Variants in PTPRN2 observed in about 807,000 individuals in gnomAD.
The protein encoded by PTPRN2 is protein tyrosine phosphatase receptor type N2.
In PTPRN2, 74 loss-of-function variants were observed where a neutral mutation model predicts 118.8. The observed-to-expected ratio is 0.62, with a 90% CI of 0.52 to 0.76. PTPRN2 has a LOEUF of 0.76. Ranked by LOEUF, PTPRN2 falls within the 30% of genes least tolerant of loss-of-function variation. PTPRN2 has a pLI of 0.00. For synonymous variants in PTPRN2, 641 were observed against 608.0 expected (o/e 1.05, Z -0.80); for missense variants, 1,481 against 1,394.4 (o/e 1.06, Z -0.99).
intron 11 of PTPRN2, among the ~76,000 whole-genome samples, chr7:157,933,594 C>G (rs1427309534): frequency 6.7e-6 from 1 of 149,412 alleles, no homozygotes; most frequent in Non-Finnish European, 1.5e-5. Flanking sequence ...GTGAGTCACT[C>G]TGATTGACAG....
intron 15 of PTPRN2, among the ~76,000 whole-genome samples, chr7:157,612,265 G>C (rs1802399833): frequency 6.6e-6 from 1 of 152,196 alleles, no homozygotes; most frequent in African/African-American, 2.4e-5. Context: ...TTTCTCGCAG[G>C]AACTAGAACA....
intron 2 of PTPRN2, among the ~76,000 whole-genome samples, chr7:158,445,106 C>A (rs960288075): frequency 3.9e-5 from 6 of 152,176 alleles, no homozygotes; most frequent in Admixed American, 3.9e-4. Context: ...CCTCGCTGGG[C>A]AAGAGCCTCC....
At chr7:157,854,913 T>C (rs554590318) in intron 12 of PTPRN2, 116 of 170,980 alleles carry the variant, frequency 6.8e-4, no homozygotes, top group Non-Finnish European at 1.1e-3. Context: ...GTTGCAGGGA[T>C]GTGTGTGGGG....
chr7:157,955,864 G>C (rs544065370), intron 11 of PTPRN2, among the ~76,000 whole-genome samples: 12 of 152,272 alleles, frequency 7.9e-5, no homozygotes, highest in Non-Finnish European at 1.6e-4. Context: ...CTCAAATAGT[G>C]CATCTGAGAA....
At chr7:157,604,178 T>TGCCCAGCC in intron 15 of PTPRN2, 103 bp from the exon 16 acceptor site, 1 of 1,018,788 alleles carries the variant, frequency 9.8e-7, no homozygotes, top group South Asian at 1.4e-5. Context: ...ACAGGACCCC[T>TGCCCAGCC]GCCCAGCCTC....
intron 9 of PTPRN2, among the ~76,000 whole-genome samples, chr7:158,132,134 C>T (rs1171431749): frequency 6.6e-6 from 1 of 150,522 alleles, no homozygotes; most frequent in Admixed American, 6.7e-5. Context: ...CACACATACA[C>T]ACACACGTAC....
At chr7:157,870,148 G>A (rs1810964118) in intron 12 of PTPRN2, among the ~76,000 whole-genome samples, 1 of 152,118 alleles carries the variant, frequency 6.6e-6, no homozygotes, top group South Asian at 2.1e-4. Context: ...CAATGGTTTT[G>A]GAACCCATGG....
intron 13 of PTPRN2, among the ~76,000 whole-genome samples, chr7:157,666,046 G>T (rs6975463): frequency 0.081 from 12,272 of 152,046 alleles, 670 homozygotes; most frequent in East Asian, 0.22. Context: ...TGACGAGTTG[G>T]TGGGTGCAGC....
At chr7:157,891,242 C>T (rs1490160547) in intron 12 of PTPRN2, among the ~76,000 whole-genome samples, 1 of 152,178 alleles carries the variant, frequency 6.6e-6, no homozygotes, top group African/African-American at 2.4e-5. Context: ...TCTTGGTAAT[C>T]CCCAAGCAAC....
At chr7:157,563,672 C>A (rs1411416696) in intron 21 of PTPRN2, among the ~76,000 whole-genome samples, 1 of 148,444 alleles carries the variant, frequency 6.7e-6, no homozygotes, top group Non-Finnish European at 1.5e-5. Context: ...GCTCCCGCAT[C>A]ACCACAGACA....
intron 12 of PTPRN2, among the ~76,000 whole-genome samples, chr7:157,839,576 A>T (rs1176926999): frequency 6.6e-6 from 1 of 150,566 alleles, no homozygotes; most frequent in East Asian, 1.9e-4. Context: ...TGTGTGTGTG[A>T]CTGTGTGAGC....
chr7:158,121,825 G>A (rs548053070), intron 9 of PTPRN2, among the ~76,000 whole-genome samples: 2 of 152,328 alleles, frequency 1.3e-5, no homozygotes, highest in East Asian at 3.9e-4. Flanking sequence ...CCTGGCAAGG[G>A]TGACAGTGCC....
intron 2 of PTPRN2, among the ~76,000 whole-genome samples, chr7:158,380,213 C>T (rs974420204): frequency 6.6e-6 from 1 of 152,198 alleles, no homozygotes; most frequent in African/African-American, 2.4e-5. Flanking sequence ...AAAGTCTTAA[C>T]TCATTTCAGC....
At chr7:157,931,766 G>T (rs12666604) in intron 11 of PTPRN2, among the ~76,000 whole-genome samples, 47,452 of 151,896 alleles carry the variant, frequency 0.31, 7,830 homozygotes, top group Non-Finnish European at 0.38. Context: ...ATAGACTGCG[G>T]TCTGGGCTTC....
At chr7:157,710,630 T>TG (rs776797186) in intron 12 of PTPRN2, among the ~76,000 whole-genome samples, 1 of 152,044 alleles carries the variant, frequency 6.6e-6, no homozygotes, top group Non-Finnish European at 1.5e-5. Context: ...AGATGTCCCC[T>TG]GGGGGGACAT....
At chr7:157,571,976 C>T (rs1279354005) in intron 19 of PTPRN2, among the ~76,000 whole-genome samples, 1 of 152,152 alleles carries the variant, frequency 6.6e-6, no homozygotes, top group African/African-American at 2.4e-5. Flanking sequence ...CATTTGTGAC[C>T]CGTCAGCTTT....
At chr7:158,150,632 G>T (rs951790016) in intron 6 of PTPRN2, among the ~76,000 whole-genome samples, 1 of 152,048 alleles carries the variant, frequency 6.6e-6, no homozygotes, top group Non-Finnish European at 1.5e-5. Flanking sequence ...GTCATCTCCT[G>T]CCCCTCTAAT....
chr7:158,485,407 G>T (rs1398526981), intron 2 of PTPRN2, among the ~76,000 whole-genome samples: 1 of 57,400 alleles, frequency 1.7e-5, no homozygotes, highest in Non-Finnish European at 3.3e-5. Context: ...CCCTCTCTGC[G>T]CCCCTCCTGC....
chr7:158,165,070 G>C (rs1822811055), intron 6 of PTPRN2, among the ~76,000 whole-genome samples: 1 of 112,926 alleles, frequency 8.9e-6, no homozygotes, highest in Non-Finnish European at 1.9e-5. Context: ...GAAGACCCCT[G>C]ATAGCATTCA....
Sources: gnomAD v4.1 joint callset for allele counts (sites outside exome capture counted in the v4.1 genomes callset) on GRCh38, gnomAD v4.1.1 for gene constraint, MANE v1.5 for transcripts, NCBI Gene and HGNC (gene_info 2026-07-23, HGNC 2026-07-21) for gene names.